CGRRF1: variants seen among roughly 807,000 people sequenced by gnomAD.
CGRRF1 encodes cell growth regulator with ring finger domain 1.
Under a neutral mutation model 37.2 loss-of-function variants are expected in CGRRF1, and 32 were observed. The ratio of observed to expected loss-of-function variants is 0.86; its 90% CI spans 0.65 to 1.16. The LOEUF is 1.16. Among genes scored for constraint, CGRRF1 ranks in the 50% most tolerant of loss-of-function variants. The pLI is 0.00. For missense variants in CGRRF1, 391 were observed against 382.6 expected (o/e 1.02, Z -0.18); for synonymous variants, 141 against 140.3 (o/e 1.00, Z -0.04).
chr14:54,527,418 A>G (rs763097649), intron 2 of CGRRF1, among the ~76,000 whole-genome samples: 65 of 152,206 alleles, frequency 4.3e-4, no homozygotes, highest in Non-Finnish European at 8.2e-4. Context: ...ATATGTAGCA[A>G]ACCTGCACAT....
intron 4 of CGRRF1, among the ~76,000 whole-genome samples, chr14:54,533,684 A>C (rs1191431409): frequency 6.6e-6 from 1 of 152,052 alleles, no homozygotes; most frequent in Non-Finnish European, 1.5e-5. Flanking sequence ...AATTATATTT[A>C]GGTAGTACAG....
chr14:54,537,909 T>G (rs2032625045), intron 5 of CGRRF1, 80 bp downstream of exon 5: 18 of 1,524,510 alleles, frequency 1.2e-5, no homozygotes, highest in Non-Finnish European at 1.5e-5. Flanking sequence ...GAAAGGTGAT[T>G]ATATTTTTCA....
intron 3 of CGRRF1, chr14:54,530,664 T>A (rs2032497857): frequency 2.4e-6 from 2 of 841,786 alleles, no homozygotes; most frequent in African/African-American, 3.4e-5. Context: ...TATTGATCAT[T>A]TTTGGTATAC....
chr14:54,514,438 C>CTGTTGTTGT (rs142499963), intron 1 of CGRRF1, among the ~76,000 whole-genome samples: 1 of 152,092 alleles, frequency 6.6e-6, no homozygotes. Context: ...GTTGAGATTT[C>CTGTTGTTGT]TGTTGTTGTT....
intron 1 of CGRRF1, among the ~76,000 whole-genome samples, chr14:54,512,475 T>G (rs981125107): frequency 6.6e-6 from 1 of 152,244 alleles, no homozygotes; most frequent in Non-Finnish European, 1.5e-5. Context: ...GGACCATGAC[T>G]CCAGTAGCTA....
At position 54,538,258 on chromosome 14, in the gene CGRRF1, A is replaced by G; in HGVS notation, c.874A>G (p.Thr292Ala). The G allele has an allele frequency of 6.2e-7, 1 of 1,614,204 alleles. No homozygotes were observed. Among genetic ancestry groups the G allele is most frequent in the Non-Finnish European group, 8.5e-7 (1 of 1,180,018 alleles). The change falls in exon 6 of 6, where the codon ACA becomes GCA. Residue 292 changes from threonine (T) to alanine (A), a missense_variant. By Grantham distance (58) the Thr-to-Ala change is moderately conservative. Transcript: ENST00000216420. ...CTGGGTACTCTTACCATGCAGACAC[A>G]CATGCCTGTGTGATGGCTGTGTGAA... ...VNWVLLPCRH[T>A]CLCDGCVKYF... is the part of the protein sequence containing the mutation.
At chr14:54,533,018 C>A (rs1007656327) in intron 4 of CGRRF1, among the ~76,000 whole-genome samples, 1 of 151,866 alleles carries the variant, frequency 6.6e-6, no homozygotes, top group East Asian at 1.9e-4. Context: ...AGGATCAGAT[C>A]GCAGTCATTT....
At chr14:54,524,440 C>T (rs1295020364) in intron 2 of CGRRF1, among the ~76,000 whole-genome samples, 1 of 147,132 alleles carries the variant, frequency 6.8e-6, no homozygotes, top group Non-Finnish European at 1.5e-5. Flanking sequence ...GGCTGGAATG[C>T]AGTAGTATGA....
chr14:54,535,269 T>G (rs1323480244), intron 4 of CGRRF1, among the ~76,000 whole-genome samples: 2 of 152,026 alleles, frequency 1.3e-5, no homozygotes, highest in African/African-American at 4.8e-5. Context: ...AGAGCCAGAT[T>G]TTGTATTTGT....
At chr14:54,530,444 T>C in intron 3 of CGRRF1, 2 of 832,770 alleles carry the variant, frequency 2.4e-6, no homozygotes. Context: ...CACTGAAAAT[T>C]AGACTTCTTA....
intron 1 of CGRRF1, among the ~76,000 whole-genome samples, chr14:54,512,390 A>G (rs2032143904): frequency 6.6e-6 from 1 of 152,234 alleles, no homozygotes; most frequent in Non-Finnish European, 1.5e-5. Flanking sequence ...GTGATCTCTG[A>G]TAGCTTTCTG....
Position 54,538,284 on chromosome 14 carries a change from G to A in CGRRF1, c.900G>A (p.Lys300=). ...RHTCLCDGCV[K]YFQQCPMCRQ... ...CATGCCTGTGTGATGGCTGTGTGAA[G>A]TATTTTCAGCAGTGCCCAATGTGCA... Residue 300 remains lysine, a synonymous_variant, in exon 6 of 6, where the codon AAG becomes AAA. Coordinates refer to ENST00000216420, the MANE Select transcript of CGRRF1 (RefSeq NM_006568.3). 6.2e-7 allele frequency: 1 copy of A among 1,614,198 alleles called. No individual in the cohort carries two copies. Among genetic ancestry groups the A allele is most frequent in the South Asian group, 1.1e-5 (1 of 91,080 alleles).
intron 4 of CGRRF1, among the ~76,000 whole-genome samples, chr14:54,532,881 T>G (rs1182260886): frequency 6.6e-6 from 1 of 152,100 alleles, no homozygotes; most frequent in Non-Finnish European, 1.5e-5. Flanking sequence ...TGGTGTCTCC[T>G]ATTTCTAGCT....
chr14:54,516,934 C>G (rs1407067555), intron 1 of CGRRF1, among the ~76,000 whole-genome samples: 2 of 152,174 alleles, frequency 1.3e-5, no homozygotes, highest in Non-Finnish European at 2.9e-5. Context: ...AATACCTAAT[C>G]TGCTGTTAAT....
chr14:54,514,147 G>C (rs928538983), intron 1 of CGRRF1, among the ~76,000 whole-genome samples: 1 of 152,108 alleles, frequency 6.6e-6, no homozygotes, highest in African/African-American at 2.4e-5. Context: ...TTGTCATGAG[G>C]CCCAGATCTC....
At position 54,520,488 on chromosome 14, in the gene CGRRF1, A is replaced by G. The variant is rs560965151; in HGVS notation, c.105-1966A>G. Among the ~76,000 whole-genome samples the G allele has an allele frequency of 2.2e-4, 34 of 152,296 alleles. No individual in the cohort carries two copies. The East Asian group carries it at 6.4e-3, about 28-fold the overall frequency. Reference sequence around the variant, plus strand: ...CCAAGTGTTATCAAACACATCATCTATACAGCTTAAGCCTCTGTCAAGATA... The same window carrying G: ...CCAAGTGTTATCAAACACATCATCTGTACAGCTTAAGCCTCTGTCAAGATA... On this transcript the variant is annotated intron_variant, in intron 1 of 5. Transcript: ENST00000216420.
chr14:54,520,069 G>T (rs2032289550), intron 1 of CGRRF1, among the ~76,000 whole-genome samples: 1 of 152,050 alleles, frequency 6.6e-6, no homozygotes, highest in East Asian at 1.9e-4. Flanking sequence ...ATAGTTTTTT[G>T]AAGTAACATT....
At chr14:54,533,693 A>T (rs1056849741) in intron 4 of CGRRF1, among the ~76,000 whole-genome samples, 1 of 152,048 alleles carries the variant, frequency 6.6e-6, no homozygotes, top group Non-Finnish European at 1.5e-5. Context: ...TAGGTAGTAC[A>T]GTTAGGAACC....
intron 1 of CGRRF1, among the ~76,000 whole-genome samples, chr14:54,519,174 G>A (rs955793079): frequency 5.3e-5 from 8 of 151,630 alleles, no homozygotes; most frequent in Admixed American, 3.3e-4. Context: ...TTGAACTCCC[G>A]ACCTCGGGTG....
Sources: gnomAD v4.1 joint callset for allele counts (sites outside exome capture counted in the v4.1 genomes callset) on GRCh38, gnomAD v4.1.1 for gene constraint, MANE v1.5 for transcripts, NCBI Gene and HGNC (gene_info 2026-07-23, HGNC 2026-07-21) for gene names.